Variants in CWC27 observed in about 807,000 individuals in gnomAD.
The protein encoded by CWC27 is CWC27 spliceosome associated cyclophilin.
Under a neutral mutation model 63.6 loss-of-function variants are expected in CWC27, and 47 were observed. That is an observed-to-expected ratio of 0.74 (90% CI 0.58 to 0.94). The LOEUF is 0.94. CWC27 is among the 40% of genes least tolerant of loss of function. The pLI is 0.00. For missense variants in CWC27, 495 were observed against 554.3 expected (o/e 0.89, Z 1.07); for synonymous variants, 175 against 179.8 (o/e 0.97, Z 0.22).
chr5:65,008,372 T>C (rs1749887776), intron 13 of CWC27, among the ~76,000 whole-genome samples: 1 of 152,232 alleles, frequency 6.6e-6, no homozygotes, highest in African/African-American at 2.4e-5. Flanking sequence ...CCCAGTCAGA[T>C]AGATGCCTAA....
intron 11 of CWC27, among the ~76,000 whole-genome samples, chr5:64,908,873 G>A (rs1561152291): frequency 1.3e-5 from 2 of 152,124 alleles, no homozygotes; most frequent in Non-Finnish European, 2.9e-5. Context: ...GGGGCATTTA[G>A]CCCATTTACA....
At position 64,935,483 on chromosome 5, in the gene CWC27, C is replaced by G. The variant is rs1162038307; in HGVS notation, c.1043-36220C>G. 1.3e-5 allele frequency among the ~76,000 whole-genome samples: 2 copies of G among 152,150 alleles called. 1 individual carries two copies. Among genetic ancestry groups the G allele is most frequent in the Admixed American group, 1.3e-4 (2 of 15,278 alleles). On this transcript the variant is annotated intron_variant, in intron 11 of 13. Coordinates refer to ENST00000381070, the MANE Select transcript of CWC27 (RefSeq NM_005869.4). ...CTGTATGTCTGTTTTGGTACCAGTACCATGCTGTGTTGGTTACTGTAGCCT... is the reference window on the plus strand; with the variant it reads ...CTGTATGTCTGTTTTGGTACCAGTAGCATGCTGTGTTGGTTACTGTAGCCT...
chr5:64,915,962 T>C (rs1479535746), intron 11 of CWC27, among the ~76,000 whole-genome samples: 3 of 152,204 alleles, frequency 2.0e-5, no homozygotes, highest in Admixed American at 6.5e-5. Flanking sequence ...AAGCCTGTGC[T>C]CTTTTCACTT....
chr5:64,822,313 G>A (rs1038394558), intron 10 of CWC27, among the ~76,000 whole-genome samples: 3 of 152,198 alleles, frequency 2.0e-5, no homozygotes, highest in Non-Finnish European at 2.9e-5. Flanking sequence ...TCTCAGCTGA[G>A]CCAGATAGTT....
At chr5:64,787,632 C>T (rs1328863259) in intron 6 of CWC27, among the ~76,000 whole-genome samples, 1 of 151,594 alleles carries the variant, frequency 6.6e-6, no homozygotes, top group Non-Finnish European at 1.5e-5. Context: ...AGATAATTTT[C>T]CAAAAAATAG....
At chr5:64,808,192 T>C in intron 10 of CWC27, 1 of 1,006,004 alleles carries the variant, frequency 9.9e-7, no homozygotes, top group Non-Finnish European at 1.2e-6. Context: ...ATCTGCATTC[T>C]AACAAGATCC....
intron 10 of CWC27, among the ~76,000 whole-genome samples, chr5:64,865,161 A>G (rs1746505130): frequency 6.6e-6 from 1 of 152,070 alleles, no homozygotes; most frequent in Non-Finnish European, 1.5e-5. Context: ...AAACATAGAA[A>G]AGTATTACTT....
At chr5:64,808,005 AT>A (rs1409225676) in intron 10 of CWC27, 70 of 1,347,938 alleles carry the variant, frequency 5.2e-5, no homozygotes, top group East Asian at 1.8e-4. Context: ...GCTACTTTCC[AT>A]TTTTTTTTCT....
At chr5:64,792,376 G>C (rs559996645) in intron 7 of CWC27, among the ~76,000 whole-genome samples, 115 of 152,090 alleles carry the variant, frequency 7.6e-4, no homozygotes, top group Non-Finnish European at 1.4e-3. Context: ...ATGATTTGCT[G>C]CTCTATATGT....
intron 11 of CWC27, among the ~76,000 whole-genome samples, chr5:64,931,712 A>T (rs1178592355): frequency 4.6e-5 from 7 of 151,972 alleles, no homozygotes; most frequent in African/African-American, 1.7e-4. Context: ...CCTTTATTGC[A>T]TGTGTATATA....
intron 10 of CWC27, chr5:64,804,694 T>C (rs1744602694): frequency 5.0e-6 from 1 of 199,446 alleles, no homozygotes; most frequent in Non-Finnish European, 1.0e-5. Context: ...ATGCATTTGT[T>C]AAATACCAAT....
At chr5:64,885,674 T>G in intron 11 of CWC27, 128 bp downstream of exon 11, 8 of 576,394 alleles carry the variant, frequency 1.4e-5, no homozygotes, top group East Asian at 3.9e-5. Context: ...TCTTCCCTCT[T>G]TCTTTCCCTC....
intron 13 of CWC27, among the ~76,000 whole-genome samples, chr5:64,988,093 A>G (rs1265013838): frequency 5.3e-5 from 8 of 152,214 alleles, no homozygotes; most frequent in African/African-American, 1.9e-4. Context: ...TGTCACCTCC[A>G]TTCTGCTACT....
rs186645000 is a variant in CWC27 at position 64,900,383 on chromosome 5, T to A, written c.1042+14837T>A. Among the ~76,000 whole-genome samples, 1,050 of 152,342 alleles carry A rather than the reference T, an allele frequency of 6.9e-3. 8 individuals carry two copies. Among genetic ancestry groups the A allele is most frequent in the African/African-American group, 0.024 (983 of 41,564 alleles). On this transcript the variant is annotated intron_variant, in intron 11 of 13. Coordinates refer to ENST00000381070, the MANE Select transcript of CWC27 (RefSeq NM_005869.4). ...CTTTGGTGCAGTATATATTCAACTC[T>A]TTTTATCCATTTTTTATTGTGTTGT...
chr5:64,802,982 T>A (rs935554785), intron 9 of CWC27, among the ~76,000 whole-genome samples: 3 of 152,270 alleles, frequency 2.0e-5, no homozygotes, highest in African/African-American at 7.2e-5. Flanking sequence ...TTTTTTTAGA[T>A]CTCCTGAGGC....
At chr5:64,770,991 A>G (rs1743233661) in intron 1 of CWC27, among the ~76,000 whole-genome samples, 1 of 152,232 alleles carries the variant, frequency 6.6e-6, no homozygotes, top group Non-Finnish European at 1.5e-5. Flanking sequence ...AAAACACAGC[A>G]TTGACTCAGT....
intron 12 of CWC27, among the ~76,000 whole-genome samples, chr5:64,974,749 A>G (rs1749194088): frequency 6.6e-6 from 1 of 152,184 alleles, no homozygotes; most frequent in Admixed American, 6.5e-5. Flanking sequence ...CACACATACT[A>G]CCTGGAAGTA....
intron 10 of CWC27, among the ~76,000 whole-genome samples, chr5:64,835,668 G>A (rs1024640772): frequency 1.3e-5 from 2 of 151,782 alleles, no homozygotes; most frequent in Admixed American, 1.3e-4. Context: ...TTTGTTCATT[G>A]TGTGGAACCT....
At chr5:64,841,762 G>A (rs773267415) in intron 10 of CWC27, among the ~76,000 whole-genome samples, 10 of 152,074 alleles carry the variant, frequency 6.6e-5, no homozygotes, top group Non-Finnish European at 1.5e-4. Context: ...TGCAACCTCC[G>A]CCTCCTGGAT....
Sources: allele counts gnomAD v4.1 joint callset (sites outside exome capture counted in the v4.1 genomes callset), GRCh38; gene constraint gnomAD v4.1.1; transcripts MANE v1.5; gene names NCBI Gene and HGNC (gene_info 2026-07-23, HGNC 2026-07-21).